Variants in ANKRD60 observed in about 807,000 individuals in gnomAD.
The protein encoded by ANKRD60 is ankyrin repeat domain 60.
Under a neutral mutation model 21.3 loss-of-function variants are expected in ANKRD60, and 24 were observed. The ratio of observed to expected loss-of-function variants is 1.13; its 90% CI spans 0.82 to 1.59. The LOEUF is 1.59. ANKRD60 is among the 40% of genes most tolerant of loss of function. ANKRD60 has a pLI of 0.00. For missense variants in ANKRD60, 490 were observed against 466.7 expected, an observed-to-expected ratio of 1.05 and a Z score of -0.46; for synonymous variants, 182 against 199.4, an observed-to-expected ratio of 0.91 and a Z score of 0.74.
At chr20:58,223,029 C>T (rs943798782) in intron 2 of ANKRD60, 23 bp downstream of exon 2, 32 of 1,539,514 alleles carry the variant, frequency 2.1e-5, no homozygotes, top group Non-Finnish European at 2.7e-5. Context: ...GTATAATATC[C>T]ATTTAAAGAA....
At chr20:58,218,892 G>C (rs1270615800) in intron 3 of ANKRD60, 87 bp from the exon 4 acceptor site, 53 of 1,302,392 alleles carry the variant, frequency 4.1e-5, no homozygotes, top group Non-Finnish European at 5.5e-5. Flanking sequence ...GTGCTCCTCA[G>C]GGAGGTCCTG....
exon 2 of ANKRD60, chr20:58,223,119 A>G: frequency 6.4e-7 from 1 of 1,551,794 alleles, no homozygotes; most frequent in Non-Finnish European, 8.7e-7. Flanking sequence ...CCAGATACAT[A>G]ATGAAATAAT....
At chr20:58,225,198 C>T (rs918453763) in intron 1 of ANKRD60, among the ~76,000 whole-genome samples, 1 of 151,910 alleles carries the variant, frequency 6.6e-6, no homozygotes, top group East Asian at 1.9e-4. Flanking sequence ...GTTAAGTCAC[C>T]CCCTCTCTCG....
exon 4 of ANKRD60, chr20:58,218,587 T>A: frequency 1.3e-6 from 2 of 1,551,746 alleles, no homozygotes; most frequent in Non-Finnish European, 1.7e-6. Context: ...AGATCCCTTA[T>A]CCCCGACTTT....
downstream of ANKRD60, among the ~76,000 whole-genome samples, chr20:58,217,022 A>G (rs2038077445): frequency 1.3e-5 from 2 of 152,102 alleles, no homozygotes; most frequent in South Asian, 2.1e-4. Context: ...ACGTTTCTCC[A>G]TGAAATGAAT....
At chr20:58,216,792 C>T (rs913437039), downstream of ANKRD60, among the ~76,000 whole-genome samples, 3 of 152,188 alleles carry the variant, frequency 2.0e-5, no homozygotes, top group Non-Finnish European at 4.4e-5. Flanking sequence ...CAGGATACAG[C>T]GCCATTTCCC....
rs376876776 is a variant in ANKRD60 at position 58,228,221 on chromosome 20, C to T, written c.430+3G>A. 206 of 1,545,220 alleles carry T rather than the reference C, an allele frequency of 1.3e-4. No individual in the cohort carries two copies. The African/African-American group carries it at 2.6e-3, about 20-fold the overall frequency. ...CCAGGGAAGGAGTCAGGGCAGGAGC[C>T]ACCTTCGTCGAGGTACTGGAGCCGC... On this transcript the variant is annotated splice_donor_region_variant and intron_variant, in intron 1 of 3. Transcript: ENST00000457363. The surrounding 1 kb of genome is among the most constrained non-coding windows in gnomAD (Gnocchi z 5.3).
downstream of ANKRD60, among the ~76,000 whole-genome samples, chr20:58,217,154 G>A (rs1274278465): frequency 6.6e-6 from 1 of 152,198 alleles, no homozygotes; most frequent in Non-Finnish European, 1.5e-5. Flanking sequence ...GATCTGGCCG[G>A]GTGTGGTGGC....
downstream of ANKRD60, chr20:58,218,415 G>A: frequency 1.5e-6 from 2 of 1,368,742 alleles, no homozygotes; most frequent in African/African-American, 1.4e-5. Flanking sequence ...CTGCCTCCCT[G>A]CTCACCAAGG....
chr20:58,225,751 A>G (rs1984351302), intron 1 of ANKRD60, among the ~76,000 whole-genome samples: 2 of 152,336 alleles, frequency 1.3e-5, no homozygotes, highest in African/African-American at 4.8e-5. Flanking sequence ...AGCTGTTCAC[A>G]TTCTCTGTGC....
exon 4 of ANKRD60, chr20:58,218,589 C>A (rs1271265990): frequency 6.4e-7 from 1 of 1,551,762 alleles, no homozygotes; most frequent in South Asian, 1.2e-5. Flanking sequence ...ATCCCTTATC[C>A]CCGACTTTGC....
At chr20:58,218,448 CA>C, downstream of ANKRD60, 3 of 1,517,148 alleles carry the variant, frequency 2.0e-6, no homozygotes, top group Non-Finnish European at 2.7e-6. Flanking sequence ...TTGAACTCTG[CA>C]AAGTTGCCCA....
chr20:58,220,488 C>T (rs865961441), intron 3 of ANKRD60, among the ~76,000 whole-genome samples: 875 of 53,206 alleles, frequency 0.016, 17 homozygotes, highest in African/African-American at 0.057. Context: ...ATCAAGAGAG[C>T]CAGAGAGAGA....
At position 58,228,269 on chromosome 20, in the gene ANKRD60, C is replaced by G. The variant is rs538916259; in HGVS notation, c.385G>C (p.Val129Leu). The G allele has an allele frequency of 6.4e-7, 1 of 1,551,256 alleles. No individual in the cohort carries two copies. The highest frequency in any genetic ancestry group is 2.0e-5 in the Admixed American group (1 of 50,944). The change falls in exon 1 of 4, where the codon GTC (valine) becomes CTC (leucine). Residue 129 changes from valine (V) to leucine (L), a missense_variant. Physicochemically the swap from Val to Leu is conservative, Grantham distance 32 (BLOSUM62 1). Transcript: ENST00000457363. This position sits in a 1 kb window ranked among gnomAD's most constrained non-coding sequence, Gnocchi z 5.3. ...CGCTGGAGGTTGAAGGGGATGCCGA[C>G]CATCAGGTCCAGCTCCTCTTTGAGC...
At chr20:58,225,938 G>A (rs1025459634) in intron 1 of ANKRD60, among the ~76,000 whole-genome samples, 5 of 152,168 alleles carry the variant, frequency 3.3e-5, no homozygotes, top group African/African-American at 4.8e-5. Flanking sequence ...GGAGACTGAT[G>A]GAAGGAGAGA....
At chr20:58,221,761 T>A (rs927557550) in intron 2 of ANKRD60, among the ~76,000 whole-genome samples, 1 of 152,150 alleles carries the variant, frequency 6.6e-6, no homozygotes, top group Non-Finnish European at 1.5e-5. Flanking sequence ...AAGGTCTTCC[T>A]GTCAATGTTT....
chr20:58,224,275 G>A (rs1300626095), intron 1 of ANKRD60, among the ~76,000 whole-genome samples: 4 of 152,124 alleles, frequency 2.6e-5, no homozygotes, highest in Admixed American at 1.3e-4. Flanking sequence ...CACCAACATC[G>A]AGTCTCAGCT....
intron 1 of ANKRD60, among the ~76,000 whole-genome samples, chr20:58,225,676 G>A (rs1430494971): frequency 6.6e-6 from 1 of 152,226 alleles, no homozygotes; most frequent in Non-Finnish European, 1.5e-5. Context: ...GAGGCAGGCT[G>A]CTTTCAGATC....
At position 58,228,425 on chromosome 20, in the gene ANKRD60, C is replaced by T. The variant is rs937870458; in HGVS notation, c.229G>A (p.Val77Ile). 4.5e-5 allele frequency: 69 copies of T among 1,539,958 alleles called. No homozygotes were observed. The highest frequency in any genetic ancestry group is 7.9e-5 in the Admixed American group (4 of 50,882). The change falls in exon 1 of 4, where the codon GTC becomes ATC. Residue 77 changes from valine (V) to isoleucine (I), a missense_variant. Val to Ile is a conservative substitution (Grantham distance 29, BLOSUM62 3). Transcript: ENST00000457363. This position sits in a 1 kb window ranked among gnomAD's most constrained non-coding sequence, Gnocchi z 5.3. The stretch of plus-strand genomic sequence containing the variant: ...GCACTCGCGGCCTTCGGGTCACAGA[C>T]GAGCCGCTGGCTCCGGCCGCGGGCA...
Sources: allele counts gnomAD v4.1 joint callset (sites outside exome capture counted in the v4.1 genomes callset), GRCh38; gene constraint gnomAD v4.1.1; non-coding constraint Gnocchi (gnomAD v3.1); transcripts MANE v1.5; gene names NCBI Gene and HGNC (gene_info 2026-07-23, HGNC 2026-07-21).